The following DOP1B variants were observed in gnomAD, a reference collection of about 807,000 sequenced individuals.
DOP1B encodes the protein protein DOP1B.
Under a neutral mutation model 233.5 loss-of-function variants are expected in DOP1B, and 174 were observed. The observed-to-expected ratio is 0.75, with a 90% confidence interval of 0.66 to 0.85. DOP1B has a LOEUF of 0.85. DOP1B is among the 40% of genes least tolerant of loss of function. The pLI is 0.00. For missense variants in DOP1B, 2,652 were observed against 2,846.6 expected (o/e 0.93, Z 1.56); for synonymous variants, 1,190 against 1,185.6 (o/e 1.00, Z -0.08).
At chr21:36,164,665 C>G (rs2065892893) in intron 1 of DOP1B, 43 bp from the exon 2 acceptor site, 1 of 1,461,772 alleles carries the variant, frequency 6.8e-7, no homozygotes, top group Non-Finnish European at 9.1e-7. Flanking sequence ...ATTTGTATCC[C>G]CAAATGGCTC....
At chr21:36,197,370 A>G (rs2066303150) in intron 2 of DOP1B, among the ~76,000 whole-genome samples, 1 of 151,992 alleles carries the variant, frequency 6.6e-6, no homozygotes, top group Non-Finnish European at 1.5e-5. Flanking sequence ...TAGAGGTGGG[A>G]TCGTAGTGTT....
At chr21:36,184,365 A>T (rs918130706) in intron 2 of DOP1B, among the ~76,000 whole-genome samples, 1 of 151,938 alleles carries the variant, frequency 6.6e-6, no homozygotes, top group Non-Finnish European at 1.5e-5. Context: ...TTGTATTTTT[A>T]GTAGAGGCGG....
At position 36,201,345 on chromosome 21, in the gene DOP1B, C is replaced by CTTTTTTTTTTTTTTTTTTTTTTTTTT. The variant is rs1172730528; in HGVS notation, c.491+864_491+865insTTTTTTTTTTTTTTTTTTTTTTTTTT. Among the ~76,000 whole-genome samples, 28 of 83,258 alleles carry CTTTTTTTTTTTTTTTTTTTTTTTTTT rather than the reference C, an allele frequency of 3.4e-4. 3 individuals carry two copies. The highest frequency in any genetic ancestry group is 4.8e-4 in the Non-Finnish European group (22 of 45,762). 54.6% of individuals were successfully genotyped at this position (83,258 alleles called of 152,430 possible). A position where few individuals can be genotyped will look rare whatever the true frequency, so the allele number is the denominator to read the frequency against. ...TCTATTCCACTGTATCTATTGGATT[C>CTTTTTTTTTTTTTTTTTTTTTTTTTT]TTTTTTTTTTTTTTTTTTTTGAGAC... On this transcript the variant is annotated intron_variant, in intron 4 of 36. Coordinates refer to ENST00000691173, the MANE Select transcript of DOP1B (RefSeq NM_001320714.2).
Position 36,225,581 on chromosome 21 carries a change from T to TA in DOP1B, c.1388dup (p.Tyr463Ter). Residue 463 changes from tyrosine to a stop codon, truncating the protein, a stop_gained and frameshift_variant, in exon 12 of 37, where the codon TAC becomes TAAC. Coordinates refer to ENST00000691173, the MANE Select transcript of DOP1B (RefSeq NM_001320714.2). LOFTEE classifies it high-confidence loss of function. The stretch of plus-strand genomic sequence containing the variant: ...GATTTATAGACCAGTGAAGCAGCGT[T>TA]ACAGCGTGAGGAACAGCGTCAGCCC... Reference protein sequence around the residue: ...EECFRPVKQRYSVRNSVSPPP... With the variant: ...EECFRPVKQR The TA allele has an allele frequency of 6.2e-7, 1 of 1,614,130 alleles. No individual in the cohort carries two copies. Among genetic ancestry groups the TA allele is most frequent in the Non-Finnish European group, 8.5e-7 (1 of 1,180,014 alleles).
chr21:36,235,417 A>G (rs2066813940), intron 15 of DOP1B, among the ~76,000 whole-genome samples: 1 of 152,092 alleles, frequency 6.6e-6, no homozygotes, highest in South Asian at 2.1e-4. Flanking sequence ...GAGTAGAGTA[A>G]GGTTTAAACA....
intron 1 of DOP1B, among the ~76,000 whole-genome samples, chr21:36,162,075 C>T (rs1460504304): frequency 6.6e-6 from 1 of 152,138 alleles, no homozygotes; most frequent in Admixed American, 6.6e-5. Context: ...GTAGTGTATT[C>T]CTATAGTTCT....
chr21:36,259,454 G>C (rs1006319459), intron 23 of DOP1B, among the ~76,000 whole-genome samples: 1 of 151,696 alleles, frequency 6.6e-6, no homozygotes, highest in African/African-American at 2.4e-5. Flanking sequence ...TGTATTTTTA[G>C]TAGAGATGGG....
intron 9 of DOP1B, among the ~76,000 whole-genome samples, chr21:36,217,969 A>T (rs1393319369): frequency 2.0e-5 from 3 of 152,212 alleles, no homozygotes; most frequent in Non-Finnish European, 2.9e-5. Flanking sequence ...ATTTTCTGGA[A>T]GCAAATGAAT....
intron 26 of DOP1B, among the ~76,000 whole-genome samples, chr21:36,269,295 A>G (rs942530490): frequency 6.6e-6 from 1 of 151,858 alleles, no homozygotes; most frequent in Admixed American, 6.6e-5. Flanking sequence ...AGCTGGGATT[A>G]CAGGCATGCA....
intron 2 of DOP1B, among the ~76,000 whole-genome samples, chr21:36,170,752 C>T (rs2065965344): frequency 6.6e-6 from 1 of 151,670 alleles, no homozygotes; most frequent in Non-Finnish European, 1.5e-5. Context: ...CATGATCATG[C>T]CACTACGCTG....
intron 7 of DOP1B, among the ~76,000 whole-genome samples, chr21:36,212,381 A>G (rs2850078): frequency 0.76 from 116,114 of 152,172 alleles, 44,317 homozygotes; most frequent in East Asian, 0.82. Context: ...AAGTGGTAGC[A>G]AAACCTTATT....
At chr21:36,217,229 G>A (rs950054823) in intron 9 of DOP1B, among the ~76,000 whole-genome samples, 6 of 152,214 alleles carry the variant, frequency 3.9e-5, no homozygotes, top group African/African-American at 7.2e-5. Flanking sequence ...AAGGGGAGCA[G>A]CTTCTCATGA....
chr21:36,226,282 C>G (rs569676472), intron 12 of DOP1B, among the ~76,000 whole-genome samples: 1 of 149,094 alleles, frequency 6.7e-6, no homozygotes, highest in South Asian at 2.1e-4. Context: ...TTTCTTTTCT[C>G]TGTCTCTCTC....
At chr21:36,219,322 T>G in intron 9 of DOP1B, 50 bp from the exon 10 acceptor site, 1 of 1,612,242 alleles carries the variant, frequency 6.2e-7, no homozygotes. Flanking sequence ...CACTTACTGA[T>G]TTAAAGGGGA....
intron 2 of DOP1B, among the ~76,000 whole-genome samples, chr21:36,180,852 G>T (rs1412887460): frequency 6.6e-6 from 1 of 151,296 alleles, no homozygotes; most frequent in African/African-American, 2.4e-5. Context: ...CTGCATTCCA[G>T]CCTGGGTTGT....
chr21:36,159,997 G>C (rs2065855603), intron 1 of DOP1B, among the ~76,000 whole-genome samples: 1 of 152,208 alleles, frequency 6.6e-6, no homozygotes, highest in Admixed American at 6.6e-5. Flanking sequence ...TATGAACTAT[G>C]AGAGTAGGGA....
rs750658066 is a variant in DOP1B at position 36,245,895 on chromosome 21, G to A, written c.3915G>A (p.Val1305=). 2 of 1,613,710 alleles carry A rather than the reference G, an allele frequency of 1.2e-6. No homozygotes were observed. Among genetic ancestry groups the A allele is most frequent in the Non-Finnish European group, 1.7e-6 (2 of 1,180,004 alleles). The change falls in exon 19 of 37, where the codon GTG becomes GTA. Residue 1305 remains valine, a synonymous_variant. Transcript: ENST00000691173. This position sits in a 1 kb window ranked among gnomAD's most constrained non-coding sequence, Gnocchi z 5.5. ...YGKLQTQVPN[V]CPHSLLLELL... ...AGCTCCAGACCCAGGTCCCCAACGT[G>A]TGCCCCCACTCTCTGCTCCTGGAGC...
intron 3 of DOP1B, among the ~76,000 whole-genome samples, chr21:36,199,779 T>C (rs2066339846): frequency 6.6e-6 from 1 of 152,258 alleles, no homozygotes; most frequent in Non-Finnish European, 1.5e-5. Flanking sequence ...TCCTTTTTTA[T>C]GGCTACATAG....
Position 36,197,239 on chromosome 21 carries a change from AT to A in DOP1B, c.139-1823del, listed in dbSNP as rs148513875. 4.6e-5 allele frequency among the ~76,000 whole-genome samples: 7 copies of A among 151,906 alleles called. 1 individual carries two copies. In the South Asian group the frequency reaches 1.5e-3, roughly 32 times the overall value. On this transcript the variant is annotated intron_variant, in intron 2 of 36. Transcript: ENST00000691173. ...GAGCCACTGCACCTGGCCATATCTG[AT>A]TTTTTTTAAAGATGTCATTTTATTG...
Sources: gnomAD v4.1 joint callset for allele counts (sites outside exome capture counted in the v4.1 genomes callset) on GRCh38, gnomAD v4.1.1 for gene constraint, Gnocchi (gnomAD v3.1) non-coding constraint, MANE v1.5 for transcripts, NCBI Gene and HGNC (gene_info 2026-07-23, HGNC 2026-07-21) for gene names.